The following DOCK5 variants were observed in gnomAD, a reference collection of about 807,000 sequenced individuals.
The protein encoded by DOCK5 is dedicator of cytokinesis protein 5.
In DOCK5, 142 loss-of-function variants were observed where a neutral mutation model predicts 251.8. That is an observed-to-expected ratio of 0.56 (90% CI 0.49 to 0.65). The LOEUF (loss-of-function observed/expected upper bound fraction) is 0.65, where lower values mean the gene tolerates loss of function less well. Ranked by LOEUF, DOCK5 falls within the 30% of genes least tolerant of loss-of-function variation. The probability of loss-of-function intolerance (pLI) is 0.00; values close to 1 mark genes in which losing one functional copy is unlikely to be tolerated. For missense variants in DOCK5, 2,111 were observed against 2,312.3 expected (o/e 0.91, Z 1.79); for synonymous variants, 842 against 835.5 (o/e 1.01, Z -0.13).
chr8:25,338,118 A>C (rs1667458195), intron 22 of DOCK5, among the ~76,000 whole-genome samples: 1 of 150,528 alleles, frequency 6.6e-6, no homozygotes, highest in South Asian at 2.1e-4. Flanking sequence ...ATGTTGGGTC[A>C]CTGCACTCTG....
intron 1 of DOCK5, among the ~76,000 whole-genome samples, chr8:25,190,528 A>G (rs900720434): frequency 2.0e-5 from 3 of 152,182 alleles, no homozygotes; most frequent in African/African-American, 7.2e-5. Context: ...TTTATTGGCT[A>G]CAGTCGTAAT....
At chr8:25,219,758 A>C (rs1456294108) in intron 1 of DOCK5, among the ~76,000 whole-genome samples, 1 of 151,030 alleles carries the variant, frequency 6.6e-6, no homozygotes, top group Non-Finnish European at 1.5e-5. Context: ...GTCCCCTTCA[A>C]CTGTGACCTG....
At chr8:25,406,460 A>AT (rs1286465509) in intron 48 of DOCK5, among the ~76,000 whole-genome samples, 1 of 152,150 alleles carries the variant, frequency 6.6e-6, no homozygotes, top group Admixed American at 6.5e-5. Context: ...ACCTACCTGA[A>AT]TGCCACCCTG....
chr8:25,338,309 G>A (rs1805865696), intron 22 of DOCK5, among the ~76,000 whole-genome samples: 3 of 152,130 alleles, frequency 2.0e-5, no homozygotes. Context: ...CCAAAGTGCT[G>A]GAATTACAGG....
chr8:25,211,423 G>A (rs1307545963), intron 1 of DOCK5, among the ~76,000 whole-genome samples: 1 of 70,538 alleles, frequency 1.4e-5, no homozygotes, highest in African/African-American at 3.2e-5. Flanking sequence ...TTCCACACAG[G>A]GCCTGGCACA....
intron 13 of DOCK5, among the ~76,000 whole-genome samples, chr8:25,315,528 A>G (rs975971437): frequency 6.6e-6 from 1 of 152,218 alleles, no homozygotes; most frequent in African/African-American, 2.4e-5. Context: ...GAGCTCAAGC[A>G]CTTTTTAAAA....
intron 1 of DOCK5, among the ~76,000 whole-genome samples, chr8:25,185,501 A>G (rs1801410017): frequency 6.6e-6 from 1 of 151,994 alleles, no homozygotes; most frequent in South Asian, 2.1e-4. Flanking sequence ...CTGGATGGAA[A>G]CTAGAGTCGT....
chr8:25,237,746 A>G (rs1203933747), intron 1 of DOCK5, among the ~76,000 whole-genome samples: 1 of 152,184 alleles, frequency 6.6e-6, no homozygotes, highest in Non-Finnish European at 1.5e-5. Flanking sequence ...TCCTCAGTCA[A>G]AACAAGAGAT....
Position 25,199,488 on chromosome 8 carries a change from A to G in DOCK5, c.43+14537A>G, listed in dbSNP as rs537437107. ...AACCTCCACCTCCTGTGTTCAAGCAATTCTCCTGCCTCAGCCTCCCTAGTA... is the reference window on the plus strand; with the variant it reads ...AACCTCCACCTCCTGTGTTCAAGCAGTTCTCCTGCCTCAGCCTCCCTAGTA... On this transcript the variant is annotated intron_variant, in intron 1 of 51. Coordinates refer to ENST00000276440, the MANE Select transcript of DOCK5 (RefSeq NM_024940.8). 6.6e-5 allele frequency among the ~76,000 whole-genome samples: 10 copies of G among 151,436 alleles called. No individual in the cohort carries two copies. In the South Asian group the frequency reaches 1.0e-3, roughly 16 times the overall value.
At chr8:25,328,231 A>AAC (rs1563203408) in intron 18 of DOCK5, among the ~76,000 whole-genome samples, 1 of 152,062 alleles carries the variant, frequency 6.6e-6, no homozygotes, top group Non-Finnish European at 1.5e-5. Flanking sequence ...AACTCATCAT[A>AAC]ACACATACAA....
At chr8:25,282,849 CAAAAAAAAAAAAAA>C (rs56687628) in intron 5 of DOCK5, among the ~76,000 whole-genome samples, 37 of 39,610 alleles carry the variant, frequency 9.3e-4, no homozygotes, top group African/African-American at 2.8e-3. Flanking sequence ...GACCCTTTCT[CAAAAAAAAAAAAAA>C]AAAAAAAAAA....
chr8:25,233,984 G>T (rs1216329994), intron 1 of DOCK5, among the ~76,000 whole-genome samples: 3 of 152,206 alleles, frequency 2.0e-5, no homozygotes, highest in Non-Finnish European at 4.4e-5. Context: ...AGGAAGTTGA[G>T]ATTCAGTTCT....
At chr8:25,236,228 A>G (rs1802793448) in intron 1 of DOCK5, among the ~76,000 whole-genome samples, 1 of 152,174 alleles carries the variant, frequency 6.6e-6, no homozygotes, top group African/African-American at 2.4e-5. Flanking sequence ...TGAGAAGTAG[A>G]GCTGATGTCC....
intron 2 of DOCK5, among the ~76,000 whole-genome samples, chr8:25,249,830 C>T (rs1215241107): frequency 6.6e-6 from 1 of 152,236 alleles, no homozygotes; most frequent in Non-Finnish European, 1.5e-5. Context: ...AGGCAGTTCT[C>T]CTGCCTTGGC....
At chr8:25,248,230 C>T (rs1319381943) in intron 2 of DOCK5, among the ~76,000 whole-genome samples, 1 of 152,196 alleles carries the variant, frequency 6.6e-6, no homozygotes, top group Non-Finnish European at 1.5e-5. Context: ...CTTGTATCTG[C>T]TAAGCACTTA....
intron 10 of DOCK5, 39 bp downstream of exon 10, chr8:25,302,493 G>C (rs369164963): frequency 5.4e-6 from 8 of 1,478,604 alleles, no homozygotes; most frequent in African/African-American, 1.4e-5. Flanking sequence ...AAATAGTGCA[G>C]TGCTGTGGAA....
intron 50 of DOCK5, chr8:25,409,542 T>C (rs1021829837): frequency 2.0e-4 from 31 of 155,964 alleles, no homozygotes; most frequent in Admixed American, 2.5e-4. Flanking sequence ...AGCTTAATAC[T>C]AAAACCCTGA....
intron 3 of DOCK5, chr8:25,271,110 G>A: frequency 3.0e-6 from 1 of 334,744 alleles, no homozygotes; most frequent in Non-Finnish European, 5.4e-6. Flanking sequence ...ATTGTTGTTG[G>A]CTTTGAACAG....
chr8:25,342,865 A>AT (rs971247499), intron 25 of DOCK5, among the ~76,000 whole-genome samples: 7 of 148,636 alleles, frequency 4.7e-5, no homozygotes, highest in East Asian at 4.1e-4. Context: ...AGCCCAGCTA[A>AT]TTTTTTTTTA....
Sources: gnomAD v4.1 joint callset for allele counts (sites outside exome capture counted in the v4.1 genomes callset) on GRCh38, gnomAD v4.1.1 for gene constraint, MANE v1.5 for transcripts, NCBI Gene and HGNC (gene_info 2026-07-23, HGNC 2026-07-21) for gene names.